FOXP2: variants seen among roughly 807,000 people sequenced by gnomAD.
The protein encoded by FOXP2 is forkhead box P2.
In FOXP2, 12 loss-of-function variants were observed where a neutral mutation model predicts 115.8. The observed-to-expected ratio is 0.10, with a 90% confidence interval of 0.07 to 0.17. The LOEUF is 0.17. Ranked by LOEUF, FOXP2 falls within the 10% of genes least tolerant of loss-of-function variation. FOXP2 has a pLI of 1.00. For missense variants in FOXP2, 629 were observed against 843.5 expected, an observed-to-expected ratio of 0.75 and a Z score of 3.15; for synonymous variants, 328 against 297.7, an observed-to-expected ratio of 1.10 and a Z score of -1.05.
At chr7:114,358,806 T>A (rs1173961108) in intron 2 of FOXP2, among the ~76,000 whole-genome samples, 1 of 152,138 alleles carries the variant, frequency 6.6e-6, no homozygotes, top group African/African-American at 2.4e-5. Flanking sequence ...CTTAACAGCA[T>A]TCAGTTTTAT....
chr7:114,593,608 C>G (rs1802547889), intron 3 of FOXP2, among the ~76,000 whole-genome samples: 1 of 151,982 alleles, frequency 6.6e-6, no homozygotes, highest in Admixed American at 6.6e-5. Context: ...TCTATGCAAG[C>G]TAATGGTGAT....
At chr7:114,616,709 T>G (rs749390640) in intron 3 of FOXP2, among the ~76,000 whole-genome samples, 25 of 152,306 alleles carry the variant, frequency 1.6e-4, no homozygotes, top group Non-Finnish European at 3.4e-4. Context: ...CCACCTACAC[T>G]ATGACTTTAA....
chr7:114,290,432 A>G (rs1310973795), intron 2 of FOXP2, among the ~76,000 whole-genome samples: 1 of 152,078 alleles, frequency 6.6e-6, no homozygotes, highest in Non-Finnish European at 1.5e-5. Context: ...TTAAGCTCAA[A>G]TGAAATATCA....
chr7:114,568,571 T>C (rs1244869604), intron 3 of FOXP2, among the ~76,000 whole-genome samples: 1 of 151,968 alleles, frequency 6.6e-6, no homozygotes, highest in African/African-American at 2.4e-5. Flanking sequence ...AAATTATGTT[T>C]CTGAGTCAGT....
At chr7:114,124,773 C>T (rs1791660464) in intron 1 of FOXP2, among the ~76,000 whole-genome samples, 2 of 152,104 alleles carry the variant, frequency 1.3e-5, no homozygotes, top group South Asian at 2.1e-4. Flanking sequence ...CTCCACCTTA[C>T]CCCTTTCTCC....
At chr7:114,093,543 C>T (rs761217690) in intron 1 of FOXP2, among the ~76,000 whole-genome samples, 2 of 151,962 alleles carry the variant, frequency 1.3e-5, no homozygotes, top group Non-Finnish European at 2.9e-5. Flanking sequence ...AAGTAAATGT[C>T]GAATGAAGGA....
At chr7:114,516,974 G>A (rs1251362791) in intron 2 of FOXP2, among the ~76,000 whole-genome samples, 1 of 151,920 alleles carries the variant, frequency 6.6e-6, no homozygotes, top group Non-Finnish European at 1.5e-5. Flanking sequence ...GATTACAGGT[G>A]TGAGCCACTG....
At chr7:114,268,378 T>G (rs1434168023) in intron 1 of FOXP2, among the ~76,000 whole-genome samples, 1 of 152,314 alleles carries the variant, frequency 6.6e-6, no homozygotes, top group South Asian at 2.1e-4. Context: ...ATACATAGGA[T>G]AATATTAGGG....
intron 2 of FOXP2, among the ~76,000 whole-genome samples, chr7:114,356,214 G>C (rs1005268769): frequency 2.0e-5 from 3 of 152,038 alleles, no homozygotes; most frequent in Non-Finnish European, 2.9e-5. Flanking sequence ...CTATTACTTG[G>C]AGTAGTTTCC....
At chr7:114,317,233 C>A (rs1390594374) in intron 2 of FOXP2, among the ~76,000 whole-genome samples, 2 of 152,122 alleles carry the variant, frequency 1.3e-5, no homozygotes, top group Admixed American at 6.6e-5. Flanking sequence ...CAATGTATCA[C>A]CTGTTGAGAG....
At position 114,291,985 on chromosome 7, in the gene FOXP2, A is replaced by T. The variant is rs940783601; in HGVS notation, c.-11+3876A>T. Among the ~76,000 whole-genome samples the T allele has an allele frequency of 1.2e-4, 4 of 33,192 alleles. No individual in the cohort carries two copies. In the Admixed American group the frequency reaches 2.4e-3, roughly 20 times the overall value. 21.8% of individuals were successfully genotyped at this position (33,192 alleles called of 152,430 possible). On this transcript the variant is annotated intron_variant, in intron 2 of 17. Transcript: ENST00000634411. Reference sequence around the variant, plus strand: ...AATATATATTATAGATAATATATAGAATATATATTATAGATAATATATAGA... The same window carrying T: ...AATATATATTATAGATAATATATAGTATATATATTATAGATAATATATAGA...
intron 2 of FOXP2, among the ~76,000 whole-genome samples, chr7:114,427,619 A>G (rs1043429226): frequency 2.0e-5 from 3 of 151,634 alleles, no homozygotes; most frequent in Non-Finnish European, 4.4e-5. Context: ...AAAATCATTA[A>G]AATTACATCC....
At chr7:114,687,989 T>C (rs1429700582) in intron 16 of FOXP2, among the ~76,000 whole-genome samples, 1 of 151,916 alleles carries the variant, frequency 6.6e-6, no homozygotes, top group East Asian at 1.9e-4. Flanking sequence ...CACACACACA[T>C]ATATACATAC....
intron 16 of FOXP2, among the ~76,000 whole-genome samples, chr7:114,686,758 A>G (rs1456020): frequency 0.32 from 48,469 of 152,082 alleles, 9,600 homozygotes; most frequent in Non-Finnish European, 0.45. Flanking sequence ...TTTTGTGTGT[A>G]TCAAAGTTAT....
chr7:114,565,152 G>A (rs1264642946), intron 3 of FOXP2, among the ~76,000 whole-genome samples: 4 of 148,372 alleles, frequency 2.7e-5, no homozygotes, highest in Admixed American at 2.7e-4. Context: ...TTGCCAAAGA[G>A]GTTCAGATAC....
chr7:114,549,665 C>A (rs376804051), intron 3 of FOXP2, among the ~76,000 whole-genome samples: 2 of 151,960 alleles, frequency 1.3e-5, no homozygotes, highest in African/African-American at 4.8e-5. Flanking sequence ...ATAATCAGAC[C>A]TCTCATAATA....
chr7:114,126,589 T>A (rs1791716121), intron 1 of FOXP2, among the ~76,000 whole-genome samples: 1 of 152,122 alleles, frequency 6.6e-6, no homozygotes. Context: ...ATATGCAAAG[T>A]GAAATAATCA....
chr7:114,463,139 C>T (rs1042898341), intron 2 of FOXP2: 17 of 390,332 alleles, frequency 4.4e-5, no homozygotes, highest in East Asian at 1.8e-4. Flanking sequence ...AGCAGTCCTC[C>T]GACCTCAGCC....
At chr7:114,507,269 G>C (rs1797868093) in intron 2 of FOXP2, among the ~76,000 whole-genome samples, 1 of 151,766 alleles carries the variant, frequency 6.6e-6, no homozygotes. Flanking sequence ...CTTGTCAGGA[G>C]TCTAAAATTC....
Sources: allele counts gnomAD v4.1 joint callset (sites outside exome capture counted in the v4.1 genomes callset), GRCh38; gene constraint gnomAD v4.1.1; transcripts MANE v1.5; gene names NCBI Gene and HGNC (gene_info 2026-07-23, HGNC 2026-07-21).